The following ZNF618 variants were observed in gnomAD, a reference collection of about 807,000 sequenced individuals.
ZNF618 encodes zinc finger protein 618.
ZNF618 carries 34 observed loss-of-function variants against 103.0 expected under a neutral mutation model. That is an observed-to-expected ratio of 0.33 (90% CI 0.25 to 0.44). ZNF618 has a LOEUF of 0.44. Ranked by LOEUF, ZNF618 falls within the 20% of genes least tolerant of loss-of-function variation. The pLI is 1.00. For synonymous variants in ZNF618, 551 were observed against 542.2 expected (o/e 1.02, Z -0.23); for missense variants, 1,059 against 1,295.4 (o/e 0.82, Z 2.80).
In ZNF618 at chr9:114,048,862, G is replaced by A. The variant is rs753381367; in HGVS notation, c.1560G>A (p.Thr520=). The stretch of plus-strand genomic sequence containing the variant: ...CTGAAATCCTGGGCAACTTCAACAC[G>A]CTGGCGCTGAAGCACCTGCCACGCA... ...SVTEILGNFN[T]LALKHLPRMY... The change falls in exon 15 of 15, where the codon ACG becomes ACA. Residue 520 remains threonine (T), a synonymous_variant. Transcript: ENST00000374126. The A allele has an allele frequency of 1.0e-5, 16 of 1,607,554 alleles. No homozygotes were observed. Among genetic ancestry groups the A allele is most frequent in the Middle Eastern group, 1.6e-4 (1 of 6,072 alleles).
chr9:114,037,050 T>C (rs1357162594), intron 13 of ZNF618, among the ~76,000 whole-genome samples: 3 of 152,216 alleles, frequency 2.0e-5, no homozygotes, highest in African/African-American at 4.8e-5. Flanking sequence ...GAGCTACAGG[T>C]GCAGTCATCT....
intron 1 of ZNF618, among the ~76,000 whole-genome samples, chr9:113,945,111 C>T (rs1834897721): frequency 6.6e-6 from 1 of 152,188 alleles, no homozygotes; most frequent in Non-Finnish European, 1.5e-5. Flanking sequence ...CTACCTCACT[C>T]TGTCCTGCCA....
At chr9:113,958,227 G>A (rs1836503247) in intron 1 of ZNF618, among the ~76,000 whole-genome samples, 3 of 152,186 alleles carry the variant, frequency 2.0e-5, no homozygotes. Context: ...ATGTGGATTT[G>A]GACTCGGAGT....
chr9:113,972,432 T>G (rs756047814), intron 2 of ZNF618, among the ~76,000 whole-genome samples: 2 of 152,170 alleles, frequency 1.3e-5, no homozygotes, highest in African/African-American at 2.4e-5. Context: ...ATGAGAAAGC[T>G]GAGGCACAGA....
intron 1 of ZNF618, among the ~76,000 whole-genome samples, chr9:113,937,447 T>C (rs1339803421): frequency 6.6e-6 from 1 of 152,238 alleles, no homozygotes; most frequent in Non-Finnish European, 1.5e-5. Flanking sequence ...CTACAGACCT[T>C]ACTCATATTT....
chr9:113,974,747 C>A (rs1838327840), intron 2 of ZNF618, among the ~76,000 whole-genome samples: 1 of 152,152 alleles, frequency 6.6e-6, no homozygotes, highest in Admixed American at 6.5e-5. Context: ...CCCTGCACCC[C>A]CTGCCTGGTC....
intron 13 of ZNF618, among the ~76,000 whole-genome samples, chr9:114,037,962 C>T (rs1844772294): frequency 6.6e-6 from 1 of 152,166 alleles, no homozygotes; most frequent in Non-Finnish European, 1.5e-5. Context: ...GTCTCCATCT[C>T]TAAAGCAAGG....
rs1564207925 is a variant in ZNF618 at position 113,951,538 on chromosome 9, C to CACATACGTGTAT, written c.34-17578_34-17577insCATACGTGTATA. Among the ~76,000 whole-genome samples, 6 of 54,324 alleles carry CACATACGTGTAT rather than the reference C, an allele frequency of 1.1e-4. No individual in the cohort carries two copies. In the East Asian group the frequency reaches 3.8e-3, roughly 34 times the overall value. The allele number at this position is 54,324 out of a possible 152,430, so 35.6% of individuals were successfully genotyped here. ...GTGTATATGTACACATATGTGTGTA[C>CACATACGTGTAT]ATATGTACACATATGTGTGTGTATA... On this transcript the variant is annotated intron_variant, in intron 1 of 14. Coordinates refer to ENST00000374126, the MANE Select transcript of ZNF618 (RefSeq NM_001318042.2).
At chr9:113,920,657 C>T (rs1212134853) in intron 1 of ZNF618, among the ~76,000 whole-genome samples, 1 of 152,152 alleles carries the variant, frequency 6.6e-6, no homozygotes, top group African/African-American at 2.4e-5. Flanking sequence ...CTGCCTTGGC[C>T]TCCCAAAGTG....
chr9:113,971,662 G>A (rs537070658), intron 2 of ZNF618, among the ~76,000 whole-genome samples: 1 of 152,330 alleles, frequency 6.6e-6, no homozygotes, highest in South Asian at 2.1e-4. Context: ...ATCTCTGCCT[G>A]GTAATTGTAG....
rs1843730021 is a variant in ZNF618 at position 114,028,714 on chromosome 9, G to A, written c.845-19G>A. The A allele has an allele frequency of 6.5e-7, 1 of 1,544,444 alleles. No individual in the cohort carries two copies. The highest frequency in any genetic ancestry group is 8.7e-7 in the Non-Finnish European group (1 of 1,142,986). On this transcript the variant is annotated intron_variant, in intron 10 of 14. Coordinates refer to ENST00000374126, the MANE Select transcript of ZNF618 (RefSeq NM_001318042.2). ...CCGGCTGGGAGGGCCCTCGGGGACT[G>A]AGAGCGTGACCCTCTCAGGTACTGC...
intron 10 of ZNF618, among the ~76,000 whole-genome samples, chr9:114,025,301 C>G (rs1042190536): frequency 6.6e-6 from 1 of 152,228 alleles, no homozygotes. Flanking sequence ...GTGGAAGTTT[C>G]GGGGAAACCC....
At chr9:113,879,797 T>TA in intron 1 of ZNF618, among the ~76,000 whole-genome samples, 1 of 151,786 alleles carries the variant, frequency 6.6e-6, no homozygotes, top group Middle Eastern at 3.4e-3. Flanking sequence ...TTTTTTTTTT[T>TA]AATTTTTTCT....
At position 114,032,660 on chromosome 9, in the gene ZNF618, G is replaced by A. The variant is rs754246840; in HGVS notation, c.1100G>A (p.Ser367Asn). ...SKATAAESAF[S>N]RRVEGKAQNH... ...CCCCACCCAGCAGAAAGCGCTTTCA[G>A]TCGGAGAGTAGAAGGCAAAGCACAA... The change falls in exon 12 of 15, where the codon AGT (serine) becomes AAT (asparagine). Residue 367 changes from serine to asparagine, a missense_variant. By Grantham distance (46) the Ser-to-Asn change is conservative (BLOSUM62 1). Transcript: ENST00000374126. 1.2e-6 allele frequency: 2 copies of A among 1,613,938 alleles called. No homozygotes were observed. Among genetic ancestry groups the A allele is most frequent in the African/African-American group, 2.7e-5 (2 of 74,948 alleles).
chr9:113,936,863 CTT>C, intron 1 of ZNF618, among the ~76,000 whole-genome samples: 1 of 151,692 alleles, frequency 6.6e-6, no homozygotes, highest in East Asian at 1.9e-4. Flanking sequence ...TGTGGGATTT[CTT>C]TTTGTGTGTT....
chr9:113,917,236 T>A (rs1449139959), intron 1 of ZNF618, among the ~76,000 whole-genome samples: 1 of 29,384 alleles, frequency 3.4e-5, no homozygotes, highest in Non-Finnish European at 7.5e-5. Flanking sequence ...CTCTCTATCC[T>A]TTTTTTTTTT....
At chr9:113,950,050 TAAC>T (rs1438695032) in intron 1 of ZNF618, among the ~76,000 whole-genome samples, 1 of 152,162 alleles carries the variant, frequency 6.6e-6, no homozygotes, top group East Asian at 1.9e-4. Context: ...GCAATTAGAC[TAAC>T]AACGTAATTA....
intron 1 of ZNF618, among the ~76,000 whole-genome samples, chr9:113,896,894 A>C (rs1175945590): frequency 1.3e-5 from 2 of 151,972 alleles, no homozygotes; most frequent in Non-Finnish European, 2.9e-5. Context: ...TTCTACTTTC[A>C]GTTCTGGATT....
intron 1 of ZNF618, among the ~76,000 whole-genome samples, chr9:113,902,956 C>T (rs999314226): frequency 2.0e-5 from 3 of 152,288 alleles, no homozygotes; most frequent in South Asian, 2.1e-4. Flanking sequence ...TACATGTTTC[C>T]ACATGGACCC....
Sources: allele counts gnomAD v4.1 joint callset (sites outside exome capture counted in the v4.1 genomes callset), GRCh38; gene constraint gnomAD v4.1.1; transcripts MANE v1.5; gene names NCBI Gene and HGNC (gene_info 2026-07-23, HGNC 2026-07-21).